Variants in GPC3 observed in about 807,000 individuals in gnomAD.
GPC3 encodes glypican 3.
Under a neutral mutation model 34.4 loss-of-function variants are expected in GPC3, and 3 were observed. The observed-to-expected ratio is 0.09, with a 90% CI of 0.04 to 0.23. The LOEUF is 0.23. Among genes scored for constraint, GPC3 ranks in the 10% least tolerant of loss-of-function variants. The pLI, the probability that GPC3 is intolerant of heterozygous loss-of-function variation, is 1.00. For synonymous variants in GPC3, 177 were observed against 174.0 expected (o/e 1.02, Z -0.13); for missense variants, 351 against 445.6 (o/e 0.79, Z 1.91).
At chrX:133,979,584 CCCT>C (rs763475907) in intron 1 of GPC3, among the ~76,000 whole-genome samples, 16 of 111,774 alleles carry the variant, frequency 1.4e-4, no homozygotes, top group Non-Finnish European at 2.4e-4. Flanking sequence ...CACCACCACC[CCCT>C]GATACACGTA....
At chrX:133,774,645 A>G (rs1225277885) in intron 2 of GPC3, among the ~76,000 whole-genome samples, 1 of 111,658 alleles carries the variant, frequency 9.0e-6, no homozygotes, top group East Asian at 2.8e-4. Flanking sequence ...ACTGTGTGTC[A>G]GGCACCATAC....
chrX:133,602,323 A>C (rs1208903113), intron 6 of GPC3, among the ~76,000 whole-genome samples: 2 of 111,643 alleles, frequency 1.8e-5, no homozygotes, highest in African/African-American at 6.5e-5. Context: ...AGGAGGAATT[A>C]GTTCTAGTGT....
intron 6 of GPC3, among the ~76,000 whole-genome samples, chrX:133,607,018 A>G (rs1269284004): frequency 2.7e-5 from 3 of 111,568 alleles, no homozygotes; most frequent in Non-Finnish European, 3.8e-5. Context: ...TAAGCCCTCA[A>G]TAAATCTTCA....
chrX:133,623,812 A>T (rs2070262896), intron 6 of GPC3, among the ~76,000 whole-genome samples: 1 of 112,047 alleles, frequency 8.9e-6, no homozygotes, highest in African/African-American at 3.2e-5. Context: ...AGCGGACCTA[A>T]TAGACATCTA....
At chrX:133,900,109 A>G (rs1394911648) in intron 2 of GPC3, among the ~76,000 whole-genome samples, 1 of 112,013 alleles carries the variant, frequency 8.9e-6, no homozygotes, top group Non-Finnish European at 1.9e-5. Flanking sequence ...GGCCGGTCTA[A>G]TGGTTTTTAA....
chrX:133,959,040 T>C (rs190407639), intron 1 of GPC3, among the ~76,000 whole-genome samples: 130 of 112,172 alleles, frequency 1.2e-3, no homozygotes, highest in African/African-American at 3.8e-3. Context: ...ATTTGAGCTA[T>C]GGAAGCTTTT....
chrX:133,552,693 C>T (rs929306552), intron 7 of GPC3, among the ~76,000 whole-genome samples: 3 of 111,814 alleles, frequency 2.7e-5, no homozygotes, highest in Non-Finnish European at 5.6e-5. Flanking sequence ...GAAACTAATT[C>T]GCAGTTAGTA....
intron 2 of GPC3, among the ~76,000 whole-genome samples, chrX:133,791,325 A>G (rs1043269307): frequency 3.6e-5 from 4 of 111,442 alleles, no homozygotes; most frequent in African/African-American, 1.3e-4. Context: ...CAGGTCTGCA[A>G]TGTCATATTT....
At chrX:133,679,552 C>T (rs375883510) in intron 5 of GPC3, among the ~76,000 whole-genome samples, 3 of 111,234 alleles carry the variant, frequency 2.7e-5, no homozygotes, top group East Asian at 2.8e-4. Flanking sequence ...GTTCATCCTA[C>T]GAATTCAATA....
At chrX:133,743,008 G>A (rs777124120) in intron 3 of GPC3, among the ~76,000 whole-genome samples, 1 of 112,395 alleles carries the variant, frequency 8.9e-6, no homozygotes, top group East Asian at 2.8e-4. Context: ...AAGCAGCCTT[G>A]CTGGATTATG....
intron 6 of GPC3, among the ~76,000 whole-genome samples, chrX:133,656,385 T>C (rs1033965579): frequency 3.6e-5 from 4 of 112,098 alleles, no homozygotes; most frequent in African/African-American, 1.3e-4. Flanking sequence ...GAGAATGAAA[T>C]CAGTAGCTCT....
rs146473890 is a variant in GPC3 at position 133,707,257 on chromosome X, T to C, written c.1033-7229A>G. On this transcript the variant is annotated intron_variant, in intron 3 of 7. Transcript: ENST00000370818. Reference sequence around the variant, plus strand: ...GGCTAAAAAACTATCTATTGGGTACTATGCTCACTACCTGGGTGATGGGAC... The same window carrying C: ...GGCTAAAAAACTATCTATTGGGTACCATGCTCACTACCTGGGTGATGGGAC... Among the ~76,000 whole-genome samples the C allele has an allele frequency of 5.1e-3, 570 of 111,434 alleles. 3 individuals carry two copies. Among genetic ancestry groups the C allele is most frequent in the African/African-American group, 0.017 (530 of 30,653 alleles).
chrX:133,854,034 T>G (rs1487425369), intron 2 of GPC3, among the ~76,000 whole-genome samples: 1 of 112,113 alleles, frequency 8.9e-6, no homozygotes, highest in Non-Finnish European at 1.9e-5. Flanking sequence ...AAAATAGCTC[T>G]AGATGGCATA....
intron 2 of GPC3, among the ~76,000 whole-genome samples, chrX:133,927,312 T>C (rs1024164812): frequency 3.6e-5 from 4 of 110,084 alleles, no homozygotes; most frequent in African/African-American, 6.6e-5. Flanking sequence ...ATATATGGTA[T>C]GACCCCATTT....
chrX:133,672,409 G>C (rs1012353744), intron 5 of GPC3, among the ~76,000 whole-genome samples: 2 of 111,844 alleles, frequency 1.8e-5, no homozygotes, highest in African/African-American at 6.5e-5. Context: ...CTGTCCTTGA[G>C]GGGAACACAC....
intron 3 of GPC3, among the ~76,000 whole-genome samples, chrX:133,721,535 T>C (rs2071367503): frequency 9.0e-6 from 1 of 111,002 alleles, no homozygotes; most frequent in Non-Finnish European, 1.9e-5. Context: ...CACTGGTGAG[T>C]TTTAGCAAAC....
chrX:133,808,747 T>TAA (rs200626423), intron 2 of GPC3, among the ~76,000 whole-genome samples: 2,025 of 104,174 alleles, frequency 0.019, 27 homozygotes, highest in Middle Eastern at 0.025. Context: ...CATGAGTATT[T>TAA]AAAAAAAAAA....
At chrX:133,644,754 T>TA (rs1451688212) in intron 6 of GPC3, among the ~76,000 whole-genome samples, 1 of 111,701 alleles carries the variant, frequency 9.0e-6, no homozygotes, top group Non-Finnish European at 1.9e-5. Context: ...TTAAAACACT[T>TA]AAATGCTGCA....
At chrX:133,907,751 C>T (rs1335320630) in intron 2 of GPC3, among the ~76,000 whole-genome samples, 1 of 110,997 alleles carries the variant, frequency 9.0e-6, no homozygotes, top group African/African-American at 3.3e-5. Flanking sequence ...AAGCTTTTCT[C>T]CCCCCTGTAT....
Sources: gnomAD v4.1 joint callset for allele counts (sites outside exome capture counted in the v4.1 genomes callset) on GRCh38, gnomAD v4.1.1 for gene constraint, MANE v1.5 for transcripts, NCBI Gene and HGNC (gene_info 2026-07-23, HGNC 2026-07-21) for gene names.